Variants in BTBD16 observed in about 807,000 individuals in gnomAD.
The protein encoded by BTBD16 is BTB/POZ domain-containing protein 16.
BTBD16 carries 66 observed loss-of-function variants against 67.4 expected under a neutral mutation model. The ratio of observed to expected loss-of-function variants is 0.98; its 90% CI spans 0.80 to 1.20. The LOEUF is 1.20. Ranked by LOEUF, BTBD16 falls within the 50% of genes most tolerant of loss-of-function variation. The probability of loss-of-function intolerance (pLI) is 0.00; values close to 1 mark genes in which losing one functional copy is unlikely to be tolerated. For missense variants in BTBD16, 634 were observed against 616.0 expected (o/e 1.03, Z -0.31); for synonymous variants, 242 against 236.4 (o/e 1.02, Z -0.22).
At chr10:122,333,964 G>A (rs1178032027) in intron 13 of BTBD16, among the ~76,000 whole-genome samples, 2 of 152,094 alleles carry the variant, frequency 1.3e-5, no homozygotes, top group Non-Finnish European at 2.9e-5. Context: ...ACAATTAAAA[G>A]CATTAATATG....
At chr10:122,272,393 G>A (rs998876088) in intron 1 of BTBD16, among the ~76,000 whole-genome samples, 1 of 152,156 alleles carries the variant, frequency 6.6e-6, no homozygotes, top group Non-Finnish European at 1.5e-5. Flanking sequence ...CCAGGCTGGA[G>A]TGCAATGGTG....
rs527429961 is a variant in BTBD16, at chr10:122,318,039, GTT to G, written c.911+10739_911+10740del. 1.7e-3 allele frequency among the ~76,000 whole-genome samples: 257 copies of G among 151,542 alleles called. 2 individuals are homozygous for G. Among genetic ancestry groups the G allele is most frequent in the African/African-American group, 5.9e-3 (243 of 41,270 alleles). ...TTTTATCCAACAGACGCACAGTAGG[GTT>G]TTTTTTTACACCAACCACACCACAA... On this transcript the variant is annotated intron_variant, in intron 10 of 15. Coordinates refer to ENST00000260723, the MANE Select transcript of BTBD16 (RefSeq NM_144587.5).
intron 3 of BTBD16, among the ~76,000 whole-genome samples, chr10:122,279,919 T>A (rs1203387442): frequency 6.6e-6 from 1 of 152,162 alleles, no homozygotes; most frequent in African/African-American, 2.4e-5. Flanking sequence ...GGGAACAGGC[T>A]CCCAGCTTCT....
chr10:122,290,561 C>G (rs894315091), intron 6 of BTBD16, among the ~76,000 whole-genome samples: 7 of 152,196 alleles, frequency 4.6e-5, no homozygotes, highest in Admixed American at 1.3e-4. Context: ...CGCCAGAGGA[C>G]ACTCTGACGG....
In BTBD16 at chr10:122,322,089, C is replaced by T. The variant is rs532781994; in HGVS notation, c.912-7391C>T. 1.1e-4 allele frequency among the ~76,000 whole-genome samples: 17 copies of T among 152,218 alleles called. No individual in the cohort carries two copies. The East Asian group carries it at 1.2e-3, about 10-fold the overall frequency. ...TGTATATTTCTCTTCTTTCTTTCCT[C>T]GATCAGCATTGATAGAGGTTTATTT... On this transcript the variant is annotated intron_variant, in intron 10 of 15. Transcript: ENST00000260723.
At chr10:122,285,109 A>G (rs57348501) in intron 4 of BTBD16, among the ~76,000 whole-genome samples, 5,555 of 152,288 alleles carry the variant, frequency 0.036, 332 homozygotes, top group African/African-American at 0.13. Context: ...ACCCAAGGTC[A>G]CACCGTGAAA....
chr10:122,312,414 G>A (rs957955911), intron 10 of BTBD16, among the ~76,000 whole-genome samples: 5 of 147,336 alleles, frequency 3.4e-5, no homozygotes, highest in Admixed American at 2.1e-4. Context: ...CCGGGTTCAA[G>A]TGATTCTCCT....
At chr10:122,313,637 T>G (rs1404200709) in intron 10 of BTBD16, among the ~76,000 whole-genome samples, 1 of 152,194 alleles carries the variant, frequency 6.6e-6, no homozygotes, top group Non-Finnish European at 1.5e-5. Flanking sequence ...TTCTAGAAGC[T>G]CTATTGTTTT....
intron 10 of BTBD16, among the ~76,000 whole-genome samples, chr10:122,322,824 A>G (rs1464021975): frequency 6.6e-6 from 1 of 152,208 alleles, no homozygotes; most frequent in Non-Finnish European, 1.5e-5. Context: ...ACCCTCCAAG[A>G]GTACCCTCTC....
intron 10 of BTBD16, among the ~76,000 whole-genome samples, chr10:122,322,882 G>T (rs1054669449): frequency 6.6e-6 from 1 of 152,118 alleles, no homozygotes; most frequent in Non-Finnish European, 1.5e-5. Context: ...CCATAGTATT[G>T]CATGCCCATC....
At chr10:122,296,203 C>G (rs2096382825) in intron 7 of BTBD16, among the ~76,000 whole-genome samples, 3 of 152,068 alleles carry the variant, frequency 2.0e-5, no homozygotes, top group Admixed American at 2.0e-4. Flanking sequence ...CAGATGACCC[C>G]AAGCAACCTA....
rs146781262 is a variant in BTBD16, at chr10:122,319,634, C to A, written c.912-9846C>A. Among the ~76,000 whole-genome samples, 136 of 152,188 alleles carry A rather than the reference C, an allele frequency of 8.9e-4. 3 individuals carry two copies. In the East Asian group the frequency reaches 0.016, roughly 18 times the overall value. The stretch of plus-strand genomic sequence containing the variant: ...ATTAGATAATTCATTTTTACTAAGT[C>A]TTGACATAAGGTAATGTAAGTTCTC... On this transcript the variant is annotated intron_variant, in intron 10 of 15. Transcript: ENST00000260723.
At position 122,338,008 on chromosome 10, in the gene BTBD16, A is replaced by G. The variant is rs764583700; in HGVS notation, c.1453-9A>G. The G allele has an allele frequency of 6.2e-7, 1 of 1,604,670 alleles. No individual in the cohort carries two copies. The highest frequency in any genetic ancestry group is 8.5e-7 in the Non-Finnish European group (1 of 1,173,758). ...AGTCACATTCACTTTGTTTTTTTTC[A>G]TGTTTTAGACCTTGAAAATCCAAAC... On this transcript the variant is annotated splice_polypyrimidine_tract_variant and intron_variant, in intron 15 of 15. Coordinates refer to ENST00000260723, the MANE Select transcript of BTBD16 (RefSeq NM_144587.5).
chr10:122,313,761 G>A (rs565870314), intron 10 of BTBD16, among the ~76,000 whole-genome samples: 5 of 152,262 alleles, frequency 3.3e-5, no homozygotes, highest in South Asian at 2.1e-4. Flanking sequence ...ATCCAGCACC[G>A]TTTACTGGAA....
At chr10:122,277,179 A>G (rs2096342680) in intron 3 of BTBD16, among the ~76,000 whole-genome samples, 2 of 132,576 alleles carry the variant, frequency 1.5e-5, no homozygotes, top group Non-Finnish European at 3.1e-5. Context: ...TTTTTTTACA[A>G]TTTTTCTTCC....
chr10:122,332,365 C>T (rs2133322628), intron 12 of BTBD16, 71 bp from the exon 13 acceptor site: 1 of 1,437,872 alleles, frequency 7.0e-7, no homozygotes, highest in Admixed American at 1.8e-5. Context: ...AAGGAAGAGG[C>T]ATGAAGATGA....
chr10:122,326,018 C>G (rs2096444044), intron 10 of BTBD16, among the ~76,000 whole-genome samples: 1 of 150,240 alleles, frequency 6.7e-6, no homozygotes, highest in Admixed American at 6.6e-5. Context: ...CCCAAGTCTT[C>G]TATGCTGAGT....
intron 10 of BTBD16, among the ~76,000 whole-genome samples, chr10:122,322,107 G>T (rs1260855965): frequency 6.6e-6 from 1 of 151,982 alleles, no homozygotes; most frequent in Non-Finnish European, 1.5e-5. Flanking sequence ...ATTGATAGAG[G>T]TTTATTTTAT....
chr10:122,296,407 A>C (rs10887121), intron 7 of BTBD16, among the ~76,000 whole-genome samples: 2 of 152,142 alleles, frequency 1.3e-5, no homozygotes, highest in Admixed American at 1.3e-4. Context: ...ACATTTTAGA[A>C]TAAGTGCAAG....
Sources: gnomAD v4.1 joint callset for allele counts (sites outside exome capture counted in the v4.1 genomes callset) on GRCh38, gnomAD v4.1.1 for gene constraint, MANE v1.5 for transcripts, NCBI Gene and HGNC (gene_info 2026-07-23, HGNC 2026-07-21) for gene names.